The following TMEM135 variants were observed in gnomAD, a reference collection of about 807,000 sequenced individuals.
The protein encoded by TMEM135 is peroxisomal membrane protein 52.
A neutral mutation model predicts 60.3 loss-of-function variants in TMEM135; 30 were observed. That is an observed-to-expected ratio of 0.50 (90% CI 0.37 to 0.68). The LOEUF (loss-of-function observed/expected upper bound fraction) is 0.68. Among genes scored for constraint, TMEM135 ranks in the 30% least tolerant of loss-of-function variants. The pLI is 0.00. For synonymous variants in TMEM135, 190 were observed against 186.7 expected, an observed-to-expected ratio of 1.02 and a Z score of -0.14; for missense variants, 468 against 548.8, an observed-to-expected ratio of 0.85 and a Z score of 1.47.
intron 5 of TMEM135, among the ~76,000 whole-genome samples, chr11:87,168,004 T>A (rs866028731): frequency 6.6e-6 from 1 of 152,210 alleles, no homozygotes; most frequent in African/African-American, 2.4e-5. Flanking sequence ...ATTGGTCTAG[T>A]CAGGGATTCA....
intron 5 of TMEM135, chr11:87,178,462 G>T (rs1313092371): frequency 2.2e-6 from 1 of 455,976 alleles, no homozygotes; most frequent in Admixed American, 2.4e-5. Flanking sequence ...TTGAGATGGA[G>T]TCTCACTGTC....
Position 87,302,302 on chromosome 11 carries a change from T to G in TMEM135, c.558T>G (p.Ile186Met), listed in dbSNP as rs1942462214. 5.0e-6 allele frequency: 8 copies of G among 1,613,864 alleles called. No homozygotes were observed. Among genetic ancestry groups the G allele is most frequent in the Non-Finnish European group, 6.8e-6 (8 of 1,179,902 alleles). The change falls in exon 8 of 15, where the codon ATT becomes ATG. Residue 186 changes from isoleucine to methionine, a missense_variant. Physicochemically the swap from Ile to Met is conservative, Grantham distance 10. Coordinates refer to ENST00000305494, the MANE Select transcript of TMEM135 (RefSeq NM_022918.4). ...KGFTFSALRF[I>M]VGKEEIPTHS... Reference sequence around the variant, plus strand: ...ATTGTGCTCTTTTCTTTAGGTTCATTGTAGGGAAGGAAGAAATTCCCACAC... The same window carrying G: ...ATTGTGCTCTTTTCTTTAGGTTCATGGTAGGGAAGGAAGAAATTCCCACAC...
intron 1 of TMEM135, among the ~76,000 whole-genome samples, chr11:87,064,962 T>TCCC (rs557418217): frequency 0.047 from 7,142 of 151,496 alleles, 241 homozygotes; most frequent in South Asian, 0.089. Flanking sequence ...TTTTTTTTTT[T>TCCC]CCCCCCACTC....
intron 5 of TMEM135, among the ~76,000 whole-genome samples, chr11:87,217,811 G>T (rs1441521708): frequency 6.6e-6 from 1 of 151,970 alleles, no homozygotes; most frequent in Non-Finnish European, 1.5e-5. Context: ...GGTTGGGGTG[G>T]TGGGTTTGGT....
chr11:87,143,113 A>G (rs1486993770), intron 4 of TMEM135, among the ~76,000 whole-genome samples: 2 of 152,002 alleles, frequency 1.3e-5, no homozygotes, highest in African/African-American at 4.8e-5. Flanking sequence ...TCATCTAGCA[A>G]ATTTTTATTT....
At chr11:87,205,706 A>G (rs1432419068) in intron 5 of TMEM135, among the ~76,000 whole-genome samples, 2 of 152,206 alleles carry the variant, frequency 1.3e-5, no homozygotes, top group African/African-American at 4.8e-5. Flanking sequence ...AGGCATATGA[A>G]TAAGACAGTG....
At chr11:87,301,545 C>T (rs1942449374) in intron 7 of TMEM135, among the ~76,000 whole-genome samples, 1 of 152,110 alleles carries the variant, frequency 6.6e-6, no homozygotes, top group African/African-American at 2.4e-5. Context: ...AGCCACTATG[C>T]CTGGCTCAAG....
chr11:87,323,644 A>G lies in TMEM135; in HGVS notation c.*2311A>G, dbSNP rs1239128729. The stretch of plus-strand genomic sequence containing the variant: ...TTCTGACATTTTTATATAGATTGAG[A>G]TTGAAAAACCGTGCATTTGGGGCAG... On this transcript the variant is annotated 3_prime_UTR_variant, in exon 15 of 15. Coordinates refer to ENST00000305494, the MANE Select transcript of TMEM135 (RefSeq NM_022918.4). 2.2e-6 allele frequency: 1 copy of G among 453,858 alleles called. No homozygotes were observed. Among genetic ancestry groups the G allele is most frequent in the Non-Finnish European group, 4.4e-6 (1 of 226,696 alleles). 28.1% of individuals were successfully genotyped at this position (453,858 alleles called of 1,614,324 possible). A position where few individuals can be genotyped will look rare whatever the true frequency, so the allele number is the denominator to read the frequency against.
intron 5 of TMEM135, among the ~76,000 whole-genome samples, chr11:87,202,040 A>G (rs1940112273): frequency 6.6e-6 from 1 of 150,394 alleles, no homozygotes; most frequent in Admixed American, 6.7e-5. Context: ...ACGTTATGTT[A>G]TGTTATATGA....
At chr11:87,168,564 C>T (rs188526201) in intron 5 of TMEM135, among the ~76,000 whole-genome samples, 5 of 152,142 alleles carry the variant, frequency 3.3e-5, no homozygotes, top group South Asian at 2.1e-4. Flanking sequence ...CATTATTTAC[C>T]GAGTAGTCAT....
intron 10 of TMEM135, among the ~76,000 whole-genome samples, chr11:87,311,408 T>G (rs1942639412): frequency 6.6e-6 from 1 of 152,048 alleles, no homozygotes; most frequent in African/African-American, 2.4e-5. Flanking sequence ...TAAGGACAGA[T>G]TATTGGTAAT....
chr11:87,249,534 A>T (rs900858552), intron 6 of TMEM135, among the ~76,000 whole-genome samples: 4 of 151,942 alleles, frequency 2.6e-5, no homozygotes, highest in Non-Finnish European at 4.4e-5. Flanking sequence ...GTTCTCTAAG[A>T]TGCATTGTTA....
chr11:87,266,399 T>C, intron 6 of TMEM135, among the ~76,000 whole-genome samples: 1 of 152,196 alleles, frequency 6.6e-6, no homozygotes, highest in Middle Eastern at 3.2e-3. Context: ...CGTATTTGTC[T>C]TCAAAATCAG....
At chr11:87,114,153 G>A (rs1444302117) in intron 4 of TMEM135, among the ~76,000 whole-genome samples, 2 of 151,958 alleles carry the variant, frequency 1.3e-5, no homozygotes, top group East Asian at 1.9e-4. Context: ...TCTCTTGAAG[G>A]AAAATTGAGA....
chr11:87,100,498 A>C (rs1041397541), intron 4 of TMEM135, among the ~76,000 whole-genome samples: 1 of 152,244 alleles, frequency 6.6e-6, no homozygotes, highest in Non-Finnish European at 1.5e-5. Flanking sequence ...TTGTTGGCTT[A>C]TAACATCCAA....
chr11:87,175,048 C>T (rs1939333349), intron 5 of TMEM135, among the ~76,000 whole-genome samples: 1 of 152,042 alleles, frequency 6.6e-6, no homozygotes, highest in Non-Finnish European at 1.5e-5. Flanking sequence ...TAATATCTTG[C>T]TCATGTAGAA....
chr11:87,203,513 C>T (rs1940167517), intron 5 of TMEM135, among the ~76,000 whole-genome samples: 1 of 152,138 alleles, frequency 6.6e-6, no homozygotes. Context: ...CAGCTTCCTC[C>T]ATGTCTTTTC....
intron 10 of TMEM135, among the ~76,000 whole-genome samples, chr11:87,310,017 ATTT>A (rs919782253): frequency 1.3e-3 from 195 of 152,064 alleles, no homozygotes; most frequent in African/African-American, 4.5e-3. Context: ...TGGCTTATTT[ATTT>A]TTTTATCATA....
At chr11:87,270,483 T>G (rs975190346) in intron 6 of TMEM135, among the ~76,000 whole-genome samples, 6 of 152,216 alleles carry the variant, frequency 3.9e-5, no homozygotes, top group African/African-American at 1.4e-4. Context: ...TTTAAGAATT[T>G]TAATTAGCTA....
Sources: allele counts gnomAD v4.1 joint callset (sites outside exome capture counted in the v4.1 genomes callset), GRCh38; gene constraint gnomAD v4.1.1; transcripts MANE v1.5; gene names NCBI Gene and HGNC (gene_info 2026-07-23, HGNC 2026-07-21).